RABL2A: variants seen among roughly 807,000 people sequenced by gnomAD.
The protein encoded by RABL2A is RAB, member of RAS oncogene family like 2A.
RABL2A carries 17 observed loss-of-function variants against 30.7 expected under a neutral mutation model. That is an observed-to-expected ratio of 0.55 (90% CI 0.38 to 0.83). The LOEUF (loss-of-function observed/expected upper bound fraction) is 0.83. Ranked by LOEUF, RABL2A falls within the 40% of genes least tolerant of loss-of-function variation. The probability of loss-of-function intolerance (pLI) is 0.00; values close to 1 mark genes in which losing one functional copy is unlikely to be tolerated. For missense variants in RABL2A, 155 were observed against 272.6 expected (o/e 0.57, Z 3.04); for synonymous variants, 64 against 101.8 (o/e 0.63, Z 2.24).
chr2:113,629,476 T>C (rs1679413554), intron 2 of RABL2A, among the ~76,000 whole-genome samples: 1 of 150,056 alleles, frequency 6.7e-6, no homozygotes, highest in African/African-American at 2.4e-5. Context: ...TTGAATTCTC[T>C]GTCTCTCTCT....
chr2:113,637,024 A>G (rs972950218), intron 5 of RABL2A, among the ~76,000 whole-genome samples: 19 of 152,118 alleles, frequency 1.2e-4, no homozygotes, highest in African/African-American at 4.6e-4. Context: ...AAAGTCTGCC[A>G]TGGCACCCCA....
intron 5 of RABL2A, chr2:113,638,248 C>T (rs1683687125): frequency 4.1e-6 from 4 of 985,348 alleles, no homozygotes; most frequent in Middle Eastern, 5.2e-4. Flanking sequence ...TCTACATAGA[C>T]TTCCTGCCAC....
At chr2:113,629,124 C>T (rs996823420) in intron 2 of RABL2A, among the ~76,000 whole-genome samples, 5 of 148,982 alleles carry the variant, frequency 3.4e-5, no homozygotes, top group Admixed American at 6.6e-5. Context: ...GTAGAACTGA[C>T]GATTGACTAT....
intron 6 of RABL2A, 161 bp from the exon 7 acceptor site, chr2:113,641,192 T>A (rs1685003907): frequency 4.1e-6 from 5 of 1,216,112 alleles, no homozygotes; most frequent in Non-Finnish European, 5.7e-6. Context: ...CGACCTGCCC[T>A]CTTTCCAAGA....
intron 3 of RABL2A, chr2:113,633,810 C>T (rs1482305820): frequency 4.3e-5 from 13 of 304,150 alleles, no homozygotes; most frequent in Non-Finnish European, 7.7e-5. Flanking sequence ...TTCTAGCCTG[C>T]GAAAGCTCCA....
At chr2:113,639,298 G>T (rs1684196237) in intron 5 of RABL2A, among the ~76,000 whole-genome samples, 1 of 151,912 alleles carries the variant, frequency 6.6e-6, no homozygotes, top group Non-Finnish European at 1.5e-5. Flanking sequence ...AAAACAAAAA[G>T]CAGAAAGAAC....
At chr2:113,630,189 G>C (rs1451125300) in intron 2 of RABL2A, among the ~76,000 whole-genome samples, 1 of 152,166 alleles carries the variant, frequency 6.6e-6, no homozygotes, top group Non-Finnish European at 1.5e-5. Context: ...ACAACAATTA[G>C]AAAACAAGCC....
rs984919959 is a variant in RABL2A, at chr2:113,632,957, G to T, written c.137+13G>T. On this transcript the variant is annotated intron_variant, in intron 3 of 8. Coordinates refer to ENST00000683472, the MANE Select transcript of RABL2A (RefSeq NM_001306158.2). ...TCATGGATGGCTTGTATCCTTCAAG[G>T]TTTGAAGTACTCCTTGTTCCTGTGG... The T allele has an allele frequency of 3.1e-6, 5 of 1,614,080 alleles. No individual in the cohort carries two copies. The highest frequency in any genetic ancestry group is 4.2e-6 in the Non-Finnish European group (5 of 1,180,044).
chr2:113,640,931 T>G lies in RABL2A; in HGVS notation c.335T>G (p.Leu112Arg), dbSNP rs1684895623. 1 of 1,613,870 alleles carries G rather than the reference T, an allele frequency of 6.2e-7. No individual in the cohort carries two copies. The highest frequency in any genetic ancestry group is 2.2e-5 in the East Asian group (1 of 44,880). Residue 112 changes from leucine to arginine, a missense_variant, in exon 6 of 9, where the codon CTG becomes CGG. Coordinates refer to ENST00000683472, the MANE Select transcript of RABL2A (RefSeq NM_001306158.2). ...CAGAGGAAAGTCACCTATAGGAACCTGAGCACCTGGTATACAGAGCTTCGG... is the reference window on the plus strand; with the variant it reads ...CAGAGGAAAGTCACCTATAGGAACCGGAGCACCTGGTATACAGAGCTTCGG... ...DIQRKVTYRN[L>R]STWYTELREF...
At position 113,635,129 on chromosome 2, in the gene RABL2A, T is replaced by C; in HGVS notation, c.296T>C (p.Met99Thr). Residue 99 changes from methionine to threonine, a missense_variant and splice_region_variant, in exon 5 of 9, where the codon ATG becomes ACG. Met to Thr is a moderately conservative substitution (Grantham distance 81, BLOSUM62 -1). Coordinates refer to ENST00000683472, the MANE Select transcript of RABL2A (RefSeq NM_001306158.2). ...TACCACAAGGCCCATGCCTGCATCA[T>C]GGTACGAGACGGTGGGGAGGTGGAC... is the stretch of plus-strand genomic sequence containing the variant. ...SYYHKAHACI[M>T]VFDIQRKVTY... 3 of 1,614,128 alleles carry C rather than the reference T, an allele frequency of 1.9e-6. No individual in the cohort carries two copies. Among genetic ancestry groups the C allele is most frequent in the South Asian group, 1.1e-5 (1 of 91,074 alleles).
chr2:113,638,238 T>A (rs1026927078), intron 5 of RABL2A: 43 of 985,274 alleles, frequency 4.4e-5, no homozygotes, highest in Non-Finnish European at 4.9e-5. Flanking sequence ...TGAAAGAGAA[T>A]CTACATAGAC....
intron 5 of RABL2A, among the ~76,000 whole-genome samples, chr2:113,637,059 A>G (rs577529838): frequency 1.3e-5 from 2 of 152,256 alleles, no homozygotes; most frequent in East Asian, 3.9e-4. Flanking sequence ...CCACCTTTCT[A>G]GCCCTACCTC....
chr2:113,628,336 G>T, intron 1 of RABL2A: 1 of 338,372 alleles, frequency 3.0e-6, no homozygotes, highest in East Asian at 6.4e-5. Context: ...AATGGGTAAC[G>T]TGAGGAGCAG....
Position 113,628,777 on chromosome 2 carries a change from C to T in RABL2A, c.107+64C>T. 4 of 806,448 alleles carry T rather than the reference C, an allele frequency of 5.0e-6. No individual in the cohort carries two copies. The South Asian group carries it at 7.2e-5, about 15-fold the overall frequency. 50.0% of individuals were successfully genotyped at this position (806,448 alleles called of 1,614,324 possible). On this transcript the variant is annotated intron_variant, in intron 2 of 8. Transcript: ENST00000683472. ...GAGGGTCCAGGTCATTTAAAAAGTCCTCCAGAGGCAGAGGAGCATGGCTTC... is the reference window on the plus strand; with the variant it reads ...GAGGGTCCAGGTCATTTAAAAAGTCTTCCAGAGGCAGAGGAGCATGGCTTC...
intron 5 of RABL2A, among the ~76,000 whole-genome samples, chr2:113,639,235 A>C (rs1329010065): frequency 6.6e-6 from 1 of 152,146 alleles, no homozygotes; most frequent in Non-Finnish European, 1.5e-5. Context: ...GCAGTAAGCC[A>C]AGATTCTGCC....
chr2:113,641,333 G>T lies in RABL2A; in HGVS notation c.410-20G>T. On this transcript the variant is annotated intron_variant, in intron 6 of 8. Transcript: ENST00000683472. ...TCTTCCCTTCCCTTGACAGACCAAT[G>T]TCCTACCTTCTCTCTACAGCAGACA... 1.9e-6 allele frequency: 3 copies of T among 1,613,412 alleles called. No individual in the cohort carries two copies. Among genetic ancestry groups the T allele is most frequent in the Non-Finnish European group, 2.5e-6 (3 of 1,179,980 alleles).
intron 5 of RABL2A, among the ~76,000 whole-genome samples, chr2:113,635,965 G>A (rs1175796663): frequency 2.6e-5 from 4 of 151,012 alleles, no homozygotes; most frequent in African/African-American, 4.9e-5. Context: ...AAAATTAGCC[G>A]GGCATGGTGG....
intron 5 of RABL2A, among the ~76,000 whole-genome samples, chr2:113,636,704 A>T (rs534381147): frequency 6.6e-6 from 1 of 152,200 alleles, no homozygotes; most frequent in Non-Finnish European, 1.5e-5. Context: ...AAAGTCTGCC[A>T]TGGGCCGGGT....
intron 4 of RABL2A, chr2:113,634,678 C>G: frequency 2.4e-6 from 1 of 417,594 alleles, no homozygotes; most frequent in Non-Finnish European, 4.5e-6. Context: ...ACACAGCCTG[C>G]CTGACTCTGT....
Sources: allele counts gnomAD v4.1 joint callset (sites outside exome capture counted in the v4.1 genomes callset), GRCh38; gene constraint gnomAD v4.1.1; transcripts MANE v1.5; gene names NCBI Gene and HGNC (gene_info 2026-07-23, HGNC 2026-07-21).